COPS6: variants seen among roughly 807,000 people sequenced by gnomAD.
COPS6 encodes COP9 signalosome complex subunit 6.
A neutral mutation model predicts 41.0 loss-of-function variants in COPS6; 9 were observed. The observed-to-expected ratio is 0.22, with a 90% CI of 0.13 to 0.38. The LOEUF (loss-of-function observed/expected upper bound fraction) is 0.38, where lower values mean the gene tolerates loss of function less well. Among genes scored for constraint, COPS6 ranks in the 10% least tolerant of loss-of-function variants. The pLI is 1.00. For missense variants in COPS6, 302 were observed against 436.7 expected (o/e 0.69, Z 2.75); for synonymous variants, 179 against 162.9 (o/e 1.10, Z -0.75).
intron 6 of COPS6, 42 bp downstream of exon 6, chr7:100,090,991 T>G: frequency 4.3e-6 from 7 of 1,613,922 alleles, no homozygotes; most frequent in Non-Finnish European, 5.9e-6. Context: ...GCTCTTGGCC[T>G]CTTTCCTGCT....
In COPS6 at chr7:100,090,581, C is replaced by G; in HGVS notation, c.424-11C>G. 1 of 1,613,928 alleles carries G rather than the reference C, an allele frequency of 6.2e-7. No homozygotes were observed. The highest frequency in any genetic ancestry group is 8.5e-7 in the Non-Finnish European group (1 of 1,179,814). ...GGCACTGACTTCCTGTGCATTGTCC[C>G]TCTCTTCCAGGTGTGTGAGATCATC... On this transcript the variant is annotated splice_polypyrimidine_tract_variant and intron_variant, in intron 4 of 9. Transcript: ENST00000303904.
chr7:100,090,331 G>C, intron 3 of COPS6, 68 bp from the exon 4 acceptor site: 1 of 1,210,536 alleles, frequency 8.3e-7, no homozygotes, highest in Non-Finnish European at 1.2e-6. Context: ...CTGGGCAACA[G>C]AGCGAGATTC....
intron 5 of COPS6, 41 bp from the exon 6 acceptor site, chr7:100,090,861 T>C (rs1407837271): frequency 1.2e-6 from 2 of 1,610,232 alleles, no homozygotes; most frequent in Admixed American, 1.7e-5. Context: ...CTAGCCCAAA[T>C]GTTGGCATAT....
rs1176751686 is a variant in COPS6, at chr7:100,091,621, G to A, written c.844-28G>A. The A allele has an allele frequency of 5.0e-6, 8 of 1,613,996 alleles. No homozygotes were observed. ...CCGGGCATGCCACGAGGGATCCCGAGGAACTGGTCCTTTCTGTTCCCTCCC... is the reference window on the plus strand; with the variant it reads ...CCGGGCATGCCACGAGGGATCCCGAAGAACTGGTCCTTTCTGTTCCCTCCC... On this transcript the variant is annotated intron_variant, in intron 9 of 9. Coordinates refer to ENST00000303904, the MANE Select transcript of COPS6 (RefSeq NM_006833.5). This position sits in a 1 kb window ranked among gnomAD's most constrained non-coding sequence, Gnocchi z 4.1.
Position 100,091,757 on chromosome 7 carries a change from A to G in COPS6, c.952A>G (p.Ile318Val). 6.2e-7 allele frequency: 1 copy of G among 1,614,250 alleles called. No individual in the cohort carries two copies. The highest frequency in any genetic ancestry group is 8.5e-7 in the Non-Finnish European group (1 of 1,180,052). ...CAATGTCCTCTACGACCGACAAGGC[A>G]TCGGCAGGAGAATGCGCGGGCTCTT... ...KFNVLYDRQGIGRRMRGLFF is the reference protein window; with the variant it reads ...KFNVLYDRQGVGRRMRGLFF The change falls in exon 10 of 10, where the codon ATC (isoleucine) becomes GTC (valine). Residue 318 changes from isoleucine (I) to valine (V), a missense_variant. This residue lies in a region of COPS6 where 222 missense variants were observed against 309.0 expected (regional missense o/e 0.72). Transcript: ENST00000303904. This position sits in a 1 kb window ranked among gnomAD's most constrained non-coding sequence, Gnocchi z 4.1.
At chr7:100,090,348 A>AG (rs759874112) in intron 3 of COPS6, 51 bp from the exon 4 acceptor site, 5 of 1,314,744 alleles carry the variant, frequency 3.8e-6, no homozygotes, top group Admixed American at 1.9e-5. Flanking sequence ...ATTCCGTCTC[A>AG]GAAAAAAAAA....
Position 100,090,451 on chromosome 7 carries a change from G to A in COPS6, c.387G>A (p.Gly129=), listed in dbSNP as rs774141688. ...TTCTGGGTTGGTATACCACAGGGGG[G>A]CCACCTGACCCCTCGGACATCCACG... ...LEFLGWYTTG[G]PPDPSDIHVH... Residue 129 remains glycine (G), a synonymous_variant, in exon 4 of 10, where the codon GGG becomes GGA. Transcript: ENST00000303904. 6.2e-6 allele frequency: 10 copies of A among 1,614,092 alleles called. No individual in the cohort carries two copies. The Admixed American group carries it at 1.7e-4, about 27-fold the overall frequency.
chr7:100,091,780 C>A lies in COPS6; in HGVS notation c.975C>A (p.Leu325=). ...GCATCGGCAGGAGAATGCGCGGGCT[C>A]TTTTTCTGATGAGGGTACTTGAAGG... The part of the protein sequence containing the change: ...RQGIGRRMRG[L]FF The change falls in exon 10 of 10, where the codon CTC becomes CTA. Residue 325 remains leucine, a synonymous_variant. Transcript: ENST00000303904. This position sits in a 1 kb window ranked among gnomAD's most constrained non-coding sequence, Gnocchi z 4.1. 8.7e-6 allele frequency: 14 copies of A among 1,614,204 alleles called. No homozygotes were observed. Among genetic ancestry groups the A allele is most frequent in the Non-Finnish European group, 1.2e-5 (14 of 1,180,032 alleles).
chr7:100,090,992 C>G (rs1795308193), intron 6 of COPS6, 43 bp downstream of exon 6: 1 of 1,614,008 alleles, frequency 6.2e-7, no homozygotes. Flanking sequence ...CTCTTGGCCT[C>G]TTTCCTGCTT....
Position 100,091,439 on chromosome 7 carries a change from T to C in COPS6, c.762T>C (p.His254=). 2.5e-6 allele frequency: 4 copies of C among 1,611,704 alleles called. No homozygotes were observed. Among genetic ancestry groups the C allele is most frequent in the Non-Finnish European group, 3.4e-6 (4 of 1,177,784 alleles). The change falls in exon 9 of 10, where the codon CAT becomes CAC. Residue 254 remains histidine, a synonymous_variant. Coordinates refer to ENST00000303904, the MANE Select transcript of COPS6 (RefSeq NM_006833.5). This position sits in a 1 kb window ranked among gnomAD's most constrained non-coding sequence, Gnocchi z 4.1. The stretch of plus-strand genomic sequence containing the variant: ...CTTTAGGAGAGGTCCCCTTTAATCA[T>C]GAGATCCTGCGGGAGGCCTATGCTC... ...ASEAGEVPFN[H]EILREAYALC...
At chr7:100,089,222 C>A (rs1239122202) in intron 1 of COPS6, 68 bp from the exon 2 acceptor site, 4 of 1,555,420 alleles carry the variant, frequency 2.6e-6, no homozygotes, top group Non-Finnish European at 3.5e-6. Flanking sequence ...CGCCGTCCCC[C>A]ACTGCCATCT....
Position 100,090,956 on chromosome 7 carries a change from C to T in COPS6, c.534+7C>T. 6.2e-7 allele frequency: 1 copy of T among 1,614,058 alleles called. No individual in the cohort carries two copies. On this transcript the variant is annotated splice_region_variant and intron_variant, in intron 6 of 9. Transcript: ENST00000303904. The stretch of plus-strand genomic sequence containing the variant: ...TGATATAATCAATGGAGAGGTAATA[C>T]CCTACCCTTCAACCCTCAGATCCTG...
Position 100,089,408 on chromosome 7 carries a change from T to G in COPS6, c.195T>G (p.Pro65=). 6.2e-7 allele frequency: 1 copy of G among 1,614,124 alleles called. No individual in the cohort carries two copies. ...WIRMRSQEGR[P]VQVIGALIGK... ...GCATGCGCTCCCAGGAGGGGCGGCC[T>G]GTGCAGGGTGAGTGTTGGGCATAGA... The change falls in exon 2 of 10, where the codon CCT becomes CCG. Residue 65 remains proline (P), a synonymous_variant. Coordinates refer to ENST00000303904, the MANE Select transcript of COPS6 (RefSeq NM_006833.5).
At position 100,091,896 on chromosome 7, in the gene COPS6, CCCCTGA is replaced by C; in HGVS notation, c.*108_*113del. The C allele has an allele frequency of 7.3e-7, 1 of 1,378,912 alleles. No homozygotes were observed. The highest frequency in any genetic ancestry group is 2.0e-5 in the Admixed American group (1 of 50,138). The allele number at this position is 1,378,912 out of a possible 1,614,324, so 85.4% of individuals were successfully genotyped here. A position where few individuals can be genotyped will look rare whatever the true frequency, so the allele number is the denominator to read the frequency against. On this transcript the variant is annotated 3_prime_UTR_variant, in exon 10 of 10. Transcript: ENST00000303904. This position sits in a 1 kb window ranked among gnomAD's most constrained non-coding sequence, Gnocchi z 4.1. ...GCTGTCATTAATAAAAGGGGAGCAG[CCCCTGA>C]GCACCCCTGCTGGTGGCTCTGTCCT...
rs931467459 is a variant in COPS6 at position 100,089,077 on chromosome 7, G to A, written c.76+11G>A. The A allele has an allele frequency of 2.8e-6, 4 of 1,418,782 alleles. No homozygotes were observed. Among genetic ancestry groups the A allele is most frequent in the Non-Finnish European group, 3.7e-6 (4 of 1,085,640 alleles). The allele number at this position is 1,418,782 out of a possible 1,614,324, so 87.9% of individuals were successfully genotyped here. On this transcript the variant is annotated intron_variant, in intron 1 of 9. Coordinates refer to ENST00000303904, the MANE Select transcript of COPS6 (RefSeq NM_006833.5). ...AGGTGGATGCAGCAGGTAACGGGCC[G>A]TGCGGGGGTGGCTTCCGGAGACCTC... is the stretch of plus-strand genomic sequence containing the variant.
chr7:100,089,839 G>A, intron 3 of COPS6, 93 bp downstream of exon 3: 1 of 1,289,678 alleles, frequency 7.8e-7, no homozygotes, highest in Non-Finnish European at 1.1e-6. Context: ...AGAAACAGGA[G>A]AGGAGACCAA....
chr7:100,091,620 AG>A lies in COPS6; in HGVS notation c.844-27del. The A allele has an allele frequency of 6.2e-7, 1 of 1,614,042 alleles. No individual in the cohort carries two copies. Among genetic ancestry groups the A allele is most frequent in the South Asian group, 1.1e-5 (1 of 91,078 alleles). On this transcript the variant is annotated intron_variant, in intron 9 of 9. Coordinates refer to ENST00000303904, the MANE Select transcript of COPS6 (RefSeq NM_006833.5). The surrounding 1 kb of genome is among the most constrained non-coding windows in gnomAD (Gnocchi z 4.1). Reference sequence around the variant, plus strand: ...CCCGGGCATGCCACGAGGGATCCCGAGGAACTGGTCCTTTCTGTTCCCTCCC... The same window carrying A: ...CCCGGGCATGCCACGAGGGATCCCGAGAACTGGTCCTTTCTGTTCCCTCCC...
Position 100,091,666 on chromosome 7 carries a change from G to C in COPS6, c.861G>C (p.Gly287=). ...CCTCCCAGCAATGCAACGACGTGGGGCTCATGGCCTACCTCGGCACCATCA... is the reference window on the plus strand; with the variant it reads ...CCTCCCAGCAATGCAACGACGTGGGCCTCATGGCCTACCTCGGCACCATCA... ...TDFYDQCNDV[G]LMAYLGTITK... Residue 287 remains glycine, a synonymous_variant, in exon 10 of 10, where the codon GGG becomes GGC. Coordinates refer to ENST00000303904, the MANE Select transcript of COPS6 (RefSeq NM_006833.5). The surrounding 1 kb of genome is among the most constrained non-coding windows in gnomAD (Gnocchi z 4.1). The C allele has an allele frequency of 6.2e-7, 1 of 1,614,192 alleles. No individual in the cohort carries two copies. Among genetic ancestry groups the C allele is most frequent in the South Asian group, 1.1e-5 (1 of 91,084 alleles).
Position 100,089,082 on chromosome 7 carries a change from G to C in COPS6, c.76+16G>C. 4 of 1,421,200 alleles carry C rather than the reference G, an allele frequency of 2.8e-6. No individual in the cohort carries two copies. The highest frequency in any genetic ancestry group is 3.7e-6 in the Non-Finnish European group (4 of 1,086,658). 88.0% of individuals were successfully genotyped at this position (1,421,200 alleles called of 1,614,324 possible). On this transcript the variant is annotated intron_variant, in intron 1 of 9. Transcript: ENST00000303904. The stretch of plus-strand genomic sequence containing the variant: ...GATGCAGCAGGTAACGGGCCGTGCG[G>C]GGGTGGCTTCCGGAGACCTCCTTCA...
Sources: gnomAD v4.1 joint callset for allele counts on GRCh38, gnomAD v4.1.1 for gene constraint, gnomAD v4.1.1 regional missense constraint, Gnocchi (gnomAD v3.1) non-coding constraint, MANE v1.5 for transcripts, NCBI Gene and HGNC (gene_info 2026-07-23, HGNC 2026-07-21) for gene names.